NDFIP1: variants seen among roughly 807,000 people sequenced by gnomAD.
NDFIP1 encodes the protein Nedd4 family interacting protein 1.
A neutral mutation model predicts 28.8 loss-of-function variants in NDFIP1; 7 were observed. That is an observed-to-expected ratio of 0.24 (90% CI 0.14 to 0.46). The LOEUF (loss-of-function observed/expected upper bound fraction) is 0.46. NDFIP1 is among the 20% of genes least tolerant of loss of function. The pLI, the probability that NDFIP1 is intolerant of heterozygous loss-of-function variation, is 0.99. For synonymous variants in NDFIP1, 92 were observed against 101.0 expected (o/e 0.91, Z 0.53); for missense variants, 194 against 269.1 (o/e 0.72, Z 1.95).
At position 142,135,818 on chromosome 5, in the gene NDFIP1, G is replaced by A; in HGVS notation, c.370+1G>A. ...GGGATTTTCATGTTAACTTTTTTCA[G>A]TAAGTATGTATGCATATCAGAACCA... is the stretch of plus-strand genomic sequence containing the variant. On this transcript the variant is annotated splice_donor_variant, in intron 4 of 7. Coordinates refer to ENST00000253814, the MANE Select transcript of NDFIP1 (RefSeq NM_030571.4). LOFTEE classifies it high-confidence loss of function. 6.2e-7 allele frequency: 1 copy of A among 1,611,412 alleles called. No individual in the cohort carries two copies. The highest frequency in any genetic ancestry group is 8.5e-7 in the Non-Finnish European group (1 of 1,177,720).
intron 1 of NDFIP1, among the ~76,000 whole-genome samples, chr5:142,127,629 A>G (rs1252048655): frequency 6.6e-6 from 1 of 152,090 alleles, no homozygotes; most frequent in Non-Finnish European, 1.5e-5. Flanking sequence ...TGTGTAGGTA[A>G]TTGTATAGCT....
At chr5:142,132,023 TA>T in intron 2 of NDFIP1, 128 bp downstream of exon 2, 1 of 1,105,840 alleles carries the variant, frequency 9.0e-7, no homozygotes, top group South Asian at 1.7e-5. Flanking sequence ...GGATTTTAAA[TA>T]ATTGAGAAGT....
In NDFIP1 at chr5:142,131,883, G is replaced by A; in HGVS notation, c.139G>A (p.Ala47Thr). The A allele has an allele frequency of 6.2e-7, 1 of 1,600,990 alleles. No individual in the cohort carries two copies. Residue 47 changes from alanine to threonine, a missense_variant, in exon 2 of 8, where the codon GCA becomes ACA. Physicochemically the swap from Ala to Thr is moderately conservative, Grantham distance 58. Transcript: ENST00000253814. The part of the protein sequence containing the change: ...DAPPPYSSIS[A>T]ESAAYFDYKD... ...TCCTCCACCTTACAGCAGCATTTCTGCAGAGAGCGCAGGTAGGTAACAGGG... is the reference window on the plus strand; with the variant it reads ...TCCTCCACCTTACAGCAGCATTTCTACAGAGAGCGCAGGTAGGTAACAGGG...
chr5:142,132,055 C>G (rs1322324639), intron 2 of NDFIP1, 157 bp from the exon 3 acceptor site: 1 of 1,045,770 alleles, frequency 9.6e-7, no homozygotes, highest in Non-Finnish European at 1.4e-6. Context: ...AAAAATCACC[C>G]CCAGTCTCTT....
intron 2 of NDFIP1, 118 bp from the exon 3 acceptor site, chr5:142,132,094 A>C: frequency 8.1e-7 from 1 of 1,241,242 alleles, no homozygotes; most frequent in South Asian, 1.6e-5. Context: ...CTTTTGGTTC[A>C]ATTGTTATGT....
chr5:142,152,857 A>G lies in NDFIP1; in HGVS notation c.*1129A>G, dbSNP rs1757461604. On this transcript the variant is annotated 3_prime_UTR_variant, in exon 8 of 8. Transcript: ENST00000253814. ...CAATTTTTTCTAATCTTAGGGAATC[A>G]TTCAGTAGATGCGATTAAAAAACTA... is the stretch of plus-strand genomic sequence containing the variant. The G allele has an allele frequency of 5.9e-6, 1 of 170,604 alleles. No individual in the cohort carries two copies. Among genetic ancestry groups the G allele is most frequent in the Non-Finnish European group, 1.3e-5 (1 of 79,024 alleles). The allele number at this position is 170,604 out of a possible 1,614,324, so 10.6% of individuals were successfully genotyped here. A position where few individuals can be genotyped will look rare whatever the true frequency, so the allele number is the denominator to read the frequency against.
chr5:142,140,526 G>C (rs1477017488), intron 5 of NDFIP1, 37 bp from the exon 6 acceptor site: 1 of 1,514,774 alleles, frequency 6.6e-7, no homozygotes. Flanking sequence ...AATTGTGTCT[G>C]TTAAGCTGCT....
intron 1 of NDFIP1, among the ~76,000 whole-genome samples, chr5:142,118,587 A>G (rs753658037): frequency 6.6e-6 from 1 of 152,176 alleles, no homozygotes; most frequent in Admixed American, 6.5e-5. Context: ...TCTCTTCTGT[A>G]AAGATACGTT....
chr5:142,121,720 T>A (rs537658248), intron 1 of NDFIP1, among the ~76,000 whole-genome samples: 26 of 152,344 alleles, frequency 1.7e-4, no homozygotes, highest in Non-Finnish European at 2.6e-4. Flanking sequence ...GTTATAGCAG[T>A]CATCTGTGTA....
chr5:142,134,621 A>G (rs1280128938), intron 3 of NDFIP1, among the ~76,000 whole-genome samples: 2 of 152,154 alleles, frequency 1.3e-5, no homozygotes, highest in Admixed American at 6.6e-5. Context: ...GATATTCCCT[A>G]AAATATTTTT....
In NDFIP1 at chr5:142,153,050, C is replaced by T. The variant is rs1246825937; in HGVS notation, c.*1322C>T. 3 of 336,786 alleles carry T rather than the reference C, an allele frequency of 8.9e-6. No individual in the cohort carries two copies. The highest frequency in any genetic ancestry group is 1.8e-5 in the Non-Finnish European group (3 of 171,310). The allele number at this position is 336,786 out of a possible 1,614,324, so 20.9% of individuals were successfully genotyped here. On this transcript the variant is annotated 3_prime_UTR_variant, in exon 8 of 8. Transcript: ENST00000253814. The stretch of plus-strand genomic sequence containing the variant: ...AATCATTCTGGAATTCCTAATTATG[C>T]TTCAATTTTTAGACATAATTTTAGA...
chr5:142,109,062 C>G (rs1174605435), intron 1 of NDFIP1, 25 bp downstream of exon 1: 3 of 1,376,726 alleles, frequency 2.2e-6, no homozygotes, highest in Admixed American at 3.1e-5. Flanking sequence ...ACTCCAGCCC[C>G]GAACTCCGGT....
At chr5:142,140,532 C>T (rs1170375818) in intron 5 of NDFIP1, 31 bp from the exon 6 acceptor site, 3 of 1,545,274 alleles carry the variant, frequency 1.9e-6, no homozygotes, top group East Asian at 4.6e-5. Context: ...GTCTGTTAAG[C>T]TGCTATAAAG....
intron 1 of NDFIP1, among the ~76,000 whole-genome samples, chr5:142,109,610 T>G (rs1756990942): frequency 6.6e-6 from 1 of 152,150 alleles, no homozygotes; most frequent in Non-Finnish European, 1.5e-5. Flanking sequence ...AGAGGCGATG[T>G]TTGGCTGTGG....
intron 4 of NDFIP1, among the ~76,000 whole-genome samples, chr5:142,137,314 A>C (rs901579916): frequency 1.3e-5 from 2 of 152,056 alleles, no homozygotes; most frequent in East Asian, 3.9e-4. Context: ...GGTGTGCACC[A>C]CTGTGCCCGG....
rs377512386 is a variant in NDFIP1, at chr5:142,137,771, T to A, written c.408T>A (p.Ser136=). 2.6e-5 allele frequency: 42 copies of A among 1,614,156 alleles called. No individual in the cohort carries two copies. The highest frequency in any genetic ancestry group is 5.0e-5 in the Admixed American group (3 of 60,020). Residue 136 remains serine, a synonymous_variant, in exon 5 of 8, where the codon TCT becomes TCA. Coordinates refer to ENST00000253814, the MANE Select transcript of NDFIP1 (RefSeq NM_030571.4). The stretch of plus-strand genomic sequence containing the variant: ...TTAACTGGATTGGGTTTTTCCTGTC[T>A]TTTTGCCTGACCACTTCAGCTGCAG... ...FLFNWIGFFL[S]FCLTTSAAGR... is the part of the protein sequence containing the mutation.
intron 1 of NDFIP1, among the ~76,000 whole-genome samples, chr5:142,110,538 T>C (rs988379178): frequency 6.6e-6 from 1 of 152,172 alleles, no homozygotes; most frequent in African/African-American, 2.4e-5. Flanking sequence ...AAAAATTTGC[T>C]GGAGTATCAA....
chr5:142,113,000 T>G (rs745638157), intron 1 of NDFIP1, among the ~76,000 whole-genome samples: 1 of 152,194 alleles, frequency 6.6e-6, no homozygotes, highest in Non-Finnish European at 1.5e-5. Context: ...AACGCAGATC[T>G]TCTGCGGTAG....
chr5:142,115,577 G>A (rs572159110), intron 1 of NDFIP1, among the ~76,000 whole-genome samples: 3 of 152,250 alleles, frequency 2.0e-5, no homozygotes, highest in Non-Finnish European at 4.4e-5. Flanking sequence ...GAGCCACTGC[G>A]CCCGGCCTAT....
Sources: gnomAD v4.1 joint callset for allele counts (sites outside exome capture counted in the v4.1 genomes callset) on GRCh38, gnomAD v4.1.1 for gene constraint, MANE v1.5 for transcripts, NCBI Gene and HGNC (gene_info 2026-07-23, HGNC 2026-07-21) for gene names.